The following GAD1 variants were observed in gnomAD, a reference collection of about 807,000 sequenced individuals.
GAD1 encodes the protein 67 kDa glutamic acid decarboxylase.
Under a neutral mutation model 75.2 loss-of-function variants are expected in GAD1, and 35 were observed. The ratio of observed to expected loss-of-function variants is 0.47; its 90% CI spans 0.36 to 0.62. The LOEUF (loss-of-function observed/expected upper bound fraction) is 0.62. Ranked by LOEUF, GAD1 falls within the 20% of genes least tolerant of loss-of-function variation. The pLI, the probability that GAD1 is intolerant of heterozygous loss-of-function variation, is 0.00. For synonymous variants in GAD1, 257 were observed against 271.9 expected (o/e 0.95, Z 0.54); for missense variants, 490 against 758.5 (o/e 0.65, Z 4.16).
intron 3 of GAD1, among the ~76,000 whole-genome samples, chr2:170,828,642 A>C (rs867314819): frequency 2.5e-3 from 104 of 41,532 alleles, no homozygotes; most frequent in African/African-American, 2.6e-3. Flanking sequence ...TGCTGTCCTC[A>C]CCCTCCTCCC....
chr2:170,851,298 T>C (rs534170941), intron 12 of GAD1, among the ~76,000 whole-genome samples: 2 of 152,368 alleles, frequency 1.3e-5, no homozygotes, highest in Non-Finnish European at 2.9e-5. Flanking sequence ...AAATATAATT[T>C]TTTAATGACT....
chr2:170,820,465 T>C (rs766193530), intron 2 of GAD1, among the ~76,000 whole-genome samples: 4 of 152,254 alleles, frequency 2.6e-5, no homozygotes, highest in Non-Finnish European at 4.4e-5. Context: ...AAAGGCGCGC[T>C]GGGCGCTCTA....
At chr2:170,837,503 G>A (rs889091851) in intron 6 of GAD1, among the ~76,000 whole-genome samples, 6 of 152,336 alleles carry the variant, frequency 3.9e-5, no homozygotes, top group Non-Finnish European at 5.9e-5. Flanking sequence ...TGGGGTAGAA[G>A]TACTACCTGG....
chr2:170,848,748 AGGCTG>A, intron 11 of GAD1: 1 of 519,030 alleles, frequency 1.9e-6, no homozygotes, highest in Non-Finnish European at 3.8e-6. Flanking sequence ...TGACTAACAA[AGGCTG>A]TGTCACGTGG....
chr2:170,836,634 T>C (rs1369301104), intron 5 of GAD1, among the ~76,000 whole-genome samples, 159 bp from the exon 6 acceptor site: 2 of 152,184 alleles, frequency 1.3e-5, no homozygotes, highest in African/African-American at 4.8e-5. Flanking sequence ...ATAGGGTGGG[T>C]CAACCTGCCC....
At position 170,818,802 on chromosome 2, in the gene GAD1, G is replaced by A; in HGVS notation, c.82+129G>A. On this transcript the variant is annotated intron_variant, in intron 2 of 16. Coordinates refer to ENST00000358196, the MANE Select transcript of GAD1 (RefSeq NM_000817.3). This position sits in a 1 kb window ranked among gnomAD's most constrained non-coding sequence, Gnocchi z 5.9. Reference sequence around the variant, plus strand: ...TAATGGAGGCTGGGAAATAAATGGGGCTCTGACCCCGTCCCTGCCAGAGGT... The same window carrying A: ...TAATGGAGGCTGGGAAATAAATGGGACTCTGACCCCGTCCCTGCCAGAGGT... 1.1e-6 allele frequency: 1 copy of A among 894,862 alleles called. No individual in the cohort carries two copies. 55.4% of individuals were successfully genotyped at this position (894,862 alleles called of 1,614,324 possible).
At chr2:170,848,556 C>A in intron 11 of GAD1, 2 of 376,216 alleles carry the variant, frequency 5.3e-6, no homozygotes, top group Non-Finnish European at 1.0e-5. Flanking sequence ...AAAAATAAGG[C>A]AGTATACGGA....
chr2:170,853,387 T>C lies in GAD1; in HGVS notation c.1264-486T>C, dbSNP rs558506788. 1 of 201,534 alleles carries C rather than the reference T, an allele frequency of 5.0e-6. No individual in the cohort carries two copies. Among genetic ancestry groups the C allele is most frequent in the South Asian group, 9.8e-5 (1 of 10,214 alleles). 12.5% of individuals were successfully genotyped at this position (201,534 alleles called of 1,614,324 possible). On this transcript the variant is annotated intron_variant, in intron 13 of 16. Coordinates refer to ENST00000358196, the MANE Select transcript of GAD1 (RefSeq NM_000817.3). This position sits in a 1 kb window ranked among gnomAD's most constrained non-coding sequence, Gnocchi z 4.1. ...CATTCCAAAAAGTCTGTCTCCAGCCTGTAGGAGCCAGAATCTGCACAGCGT... is the reference window on the plus strand; with the variant it reads ...CATTCCAAAAAGTCTGTCTCCAGCCCGTAGGAGCCAGAATCTGCACAGCGT...
chr2:170,842,763 G>A (rs1202111039), intron 6 of GAD1: 47 of 1,502,782 alleles, frequency 3.1e-5, no homozygotes, highest in South Asian at 2.7e-5. Context: ...CAACATATCT[G>A]AGGATCCTTC....
chr2:170,828,228 TTTCTGCTGTCCTCA>T (rs1559271841), intron 3 of GAD1, among the ~76,000 whole-genome samples: 4 of 64,990 alleles, frequency 6.2e-5, no homozygotes, highest in South Asian at 8.2e-4. Flanking sequence ...ACCCCTCCTC[TTTCTGCTGTCCTCA>T]CCCCTCCTCT....
chr2:170,823,885 C>T (rs1487610334), intron 3 of GAD1, among the ~76,000 whole-genome samples: 1 of 152,172 alleles, frequency 6.6e-6, no homozygotes, highest in Non-Finnish European at 1.5e-5. Flanking sequence ...CCCTCATTCA[C>T]CCCCATCCTG....
In GAD1 at chr2:170,846,067, T is replaced by C. The variant is rs139531653; in HGVS notation, c.1002+4T>C. Reference sequence around the variant, plus strand: ...AATTCTTGAAGCCAAACAGAAGGTATGTACTCCGTGGTGCATCTGAACTCC... The same window carrying C: ...AATTCTTGAAGCCAAACAGAAGGTACGTACTCCGTGGTGCATCTGAACTCC... On this transcript the variant is annotated splice_donor_region_variant and intron_variant, in intron 10 of 16. Coordinates refer to ENST00000358196, the MANE Select transcript of GAD1 (RefSeq NM_000817.3). The C allele has an allele frequency of 1.2e-6, 2 of 1,611,738 alleles. No homozygotes were observed. Among genetic ancestry groups the C allele is most frequent in the Admixed American group, 1.7e-5 (1 of 60,004 alleles).
At chr2:170,854,579 A>C (rs1702812299) in intron 14 of GAD1, among the ~76,000 whole-genome samples, 1 of 152,032 alleles carries the variant, frequency 6.6e-6, no homozygotes, top group Non-Finnish European at 1.5e-5. Flanking sequence ...TTTTTAAAAA[A>C]TATTTTTGGT....
Position 170,847,768 on chromosome 2 carries a change from A to G in GAD1, c.1095A>G (p.Lys365=), listed in dbSNP as rs188421952. 4.1e-5 allele frequency: 66 copies of G among 1,613,658 alleles called. No homozygotes were observed. Among genetic ancestry groups the G allele is most frequent in the Non-Finnish European group, 5.3e-5 (62 of 1,179,534 alleles). The change falls in exon 11 of 17, where the codon AAA becomes AAG. Residue 365 remains lysine (K), a synonymous_variant. Transcript: ENST00000358196. ...PIQEIADICE[K]YNLWLHVDAA... ...AAGAGATTGCAGATATATGTGAGAA[A>G]TATAACCTTTGGTTGCATGTCGATG...
rs1702794726 is a variant in GAD1, at chr2:170,853,749, A to C, written c.1264-124A>C. 1 of 945,958 alleles carries C rather than the reference A, an allele frequency of 1.1e-6. No homozygotes were observed. Among genetic ancestry groups the C allele is most frequent in the East Asian group, 2.4e-5 (1 of 41,364 alleles). The allele number at this position is 945,958 out of a possible 1,614,324, so 58.6% of individuals were successfully genotyped here. A position where few individuals can be genotyped will look rare whatever the true frequency, so the allele number is the denominator to read the frequency against. ...GGCATCAGAACAAGTGTAAGGCCTC[A>C]TAAAGACATCAGAAGAAAGATTGCA... On this transcript the variant is annotated intron_variant, in intron 13 of 16. Coordinates refer to ENST00000358196, the MANE Select transcript of GAD1 (RefSeq NM_000817.3). This position sits in a 1 kb window ranked among gnomAD's most constrained non-coding sequence, Gnocchi z 4.1.
chr2:170,849,085 A>G (rs924441073), intron 11 of GAD1: 130 of 649,086 alleles, frequency 2.0e-4, no homozygotes, highest in Non-Finnish European at 3.9e-5. Flanking sequence ...GCTAAAGTCC[A>G]GAGGAACTTT....
intron 6 of GAD1, among the ~76,000 whole-genome samples, chr2:170,841,592 T>C (rs1014789339): frequency 6.6e-6 from 1 of 152,186 alleles, no homozygotes; most frequent in Non-Finnish European, 1.5e-5. Flanking sequence ...ACTGCTTTGG[T>C]GAACTACAAG....
intron 5 of GAD1, among the ~76,000 whole-genome samples, chr2:170,833,217 A>G (rs1044301090): frequency 6.6e-6 from 1 of 152,246 alleles, no homozygotes; most frequent in African/African-American, 2.4e-5. Context: ...TTGGATGTCA[A>G]AAACAAAGTG....
Position 170,834,540 on chromosome 2 carries a change from T to G in GAD1, c.548-2253T>G, listed in dbSNP as rs548458552. Among the ~76,000 whole-genome samples the G allele has an allele frequency of 3.3e-5, 5 of 152,348 alleles. No homozygotes were observed. In the East Asian group the frequency reaches 9.6e-4, roughly 29 times the overall value. ...TCAGCCTTCAGCCACAGCAGCTACT[T>G]AAGTGATTTGTAGATATGCTGGACT... On this transcript the variant is annotated intron_variant, in intron 5 of 16. Transcript: ENST00000358196.
Sources: allele counts gnomAD v4.1 joint callset (sites outside exome capture counted in the v4.1 genomes callset), GRCh38; gene constraint gnomAD v4.1.1; non-coding constraint Gnocchi (gnomAD v3.1); transcripts MANE v1.5; gene names NCBI Gene and HGNC (gene_info 2026-07-23, HGNC 2026-07-21).